The following GAS7 variants were observed in gnomAD, a reference collection of about 807,000 sequenced individuals.
GAS7 encodes growth arrest specific 7.
In GAS7, 28 loss-of-function variants were observed where a neutral mutation model predicts 71.1. The observed-to-expected ratio is 0.39, with a 90% confidence interval of 0.29 to 0.54. The LOEUF is 0.54. Ranked by LOEUF, GAS7 falls within the 20% of genes least tolerant of loss-of-function variation. GAS7 has a pLI of 0.62. For missense variants in GAS7, 436 were observed against 627.8 expected, an observed-to-expected ratio of 0.69 and a Z score of 3.27; for synonymous variants, 258 against 245.8, an observed-to-expected ratio of 1.05 and a Z score of -0.46.
intron 1 of GAS7, chr17:10,033,980 C>G (rs2072685106): frequency 3.9e-6 from 1 of 256,320 alleles, no homozygotes; most frequent in Non-Finnish European, 6.1e-6. Context: ...GAACCGTTTC[C>G]AAGACTCAGT....
At chr17:10,041,160 A>C (rs77908113) in intron 1 of GAS7, among the ~76,000 whole-genome samples, 2 of 129,494 alleles carry the variant, frequency 1.5e-5, no homozygotes, top group African/African-American at 7.0e-5. Flanking sequence ...AGACTGCCTA[A>C]AAAAAAAAAA....
At chr17:10,138,840 C>G (rs2074060352) in intron 1 of GAS7, among the ~76,000 whole-genome samples, 1 of 152,098 alleles carries the variant, frequency 6.6e-6, no homozygotes, top group Non-Finnish European at 1.5e-5. Context: ...GGTACTCTGT[C>G]CTATGCTCTT....
rs59205668 is a variant in GAS7 at position 9,982,824 on chromosome 17, G to GAAAGAAAGAAAGAAAGAAA, written c.305-941_305-940insTTTCTTTCTTTCTTTCTTT. ...AAAGAAAGGAAAGAAAGGAAAGAAA[G>GAAAGAAAGAAAGAAAGAAA]GAAAGAAAGAAAGAAAGAAAGAAAG... On this transcript the variant is annotated intron_variant, in intron 2 of 13. Transcript: ENST00000432992. Among the ~76,000 whole-genome samples, 347 of 116,212 alleles carry GAAAGAAAGAAAGAAAGAAA rather than the reference G, an allele frequency of 3.0e-3. 2 individuals are homozygous for GAAAGAAAGAAAGAAAGAAA. Among genetic ancestry groups the GAAAGAAAGAAAGAAAGAAA allele is most frequent in the African/African-American group, 4.3e-3 (108 of 25,160 alleles). The allele number at this position is 116,212 out of a possible 152,430, so 76.2% of individuals were successfully genotyped here.
In GAS7 at chr17:10,010,766, C is replaced by T. The variant is rs75517128; in HGVS notation, c.304+9011G>A. On this transcript the variant is annotated intron_variant, in intron 2 of 13. Coordinates refer to ENST00000432992, the MANE Select transcript of GAS7 (RefSeq NM_201433.2). ...TTTTGTAGTGAAGTGTTATACATCT[C>T]TTGTAATTTATTGAATACTGAACTA... 2.6e-5 allele frequency among the ~76,000 whole-genome samples: 4 copies of T among 152,266 alleles called. No individual in the cohort carries two copies. In the East Asian group the frequency reaches 7.7e-4, roughly 29 times the overall value.
intron 1 of GAS7, among the ~76,000 whole-genome samples, chr17:10,093,444 C>T (rs545369922): frequency 6.6e-5 from 10 of 151,082 alleles, no homozygotes; most frequent in African/African-American, 2.2e-4. Flanking sequence ...GTGGCACACG[C>T]CTGAGTCCCA....
chr17:10,031,848 T>C (rs966842831), intron 1 of GAS7, among the ~76,000 whole-genome samples: 1 of 152,186 alleles, frequency 6.6e-6, no homozygotes, highest in Non-Finnish European at 1.5e-5. Context: ...CTCTTCAGCA[T>C]GTTTTGGAAG....
intron 2 of GAS7, among the ~76,000 whole-genome samples, chr17:9,992,197 G>A (rs921808362): frequency 5.3e-5 from 8 of 152,146 alleles, no homozygotes; most frequent in African/African-American, 1.9e-4. Flanking sequence ...CCCAGGGAGT[G>A]GGTTAGACTT....
rs10574261 is a variant in GAS7, at chr17:10,162,170, CCT to C, written c.183+36036_183+36037del. Among the ~76,000 whole-genome samples the C allele has an allele frequency of 0.024, 3,587 of 152,152 alleles. 322 individuals carry two copies. In the East Asian group the frequency reaches 0.32, roughly 14 times the overall value. On this transcript the variant is annotated intron_variant, in intron 1 of 13. Transcript: ENST00000432992. ...AATATCGCCCAGGCACATGCTGGTC[CCT>C]CTGAGATAAACTGAAAGCAGTGACT... is the stretch of plus-strand genomic sequence containing the variant.
chr17:10,145,405 T>C (rs555494115), intron 1 of GAS7, among the ~76,000 whole-genome samples: 19 of 152,204 alleles, frequency 1.2e-4, no homozygotes, highest in African/African-American at 3.9e-4. Context: ...TCAGGCAGTG[T>C]GTAAGACCCG....
chr17:10,144,738 G>T (rs553883534), intron 1 of GAS7, among the ~76,000 whole-genome samples: 2 of 152,024 alleles, frequency 1.3e-5, no homozygotes, highest in South Asian at 4.2e-4. Flanking sequence ...TCTAGAGATA[G>T]GATCTTGCTA....
chr17:9,999,323 GC>G (rs2071169876), intron 2 of GAS7, among the ~76,000 whole-genome samples: 1 of 152,110 alleles, frequency 6.6e-6, no homozygotes, highest in African/African-American at 2.4e-5. Context: ...TTCGACACCA[GC>G]CTGGCCAACA....
intron 1 of GAS7, among the ~76,000 whole-genome samples, chr17:10,104,187 C>A (rs1438365859): frequency 1.3e-5 from 2 of 152,178 alleles, no homozygotes; most frequent in Non-Finnish European, 2.9e-5. Context: ...TGAGCCTACT[C>A]TCCACAATGT....
intron 1 of GAS7, among the ~76,000 whole-genome samples, chr17:10,113,522 T>C (rs2073833448): frequency 6.6e-6 from 1 of 152,312 alleles, no homozygotes; most frequent in Non-Finnish European, 1.5e-5. Flanking sequence ...AGATATGTTA[T>C]ATGATTTAAC....
Position 9,980,269 on chromosome 17 carries a change from T to C in GAS7, c.385+1535A>G, listed in dbSNP as rs2070363682. On this transcript the variant is annotated intron_variant, in intron 3 of 13. Transcript: ENST00000432992. ...TATGCTTTGAATGTGCACTTTCATG[T>C]CTTCAGGTCTCAATGCTAGACAATA... Among the ~76,000 whole-genome samples the C allele has an allele frequency of 2.0e-5, 3 of 152,292 alleles. No individual in the cohort carries two copies. In the South Asian group the frequency reaches 6.2e-4, roughly 32 times the overall value.
At chr17:10,150,448 AC>A (rs1407385324) in intron 1 of GAS7, among the ~76,000 whole-genome samples, 1 of 144,494 alleles carries the variant, frequency 6.9e-6, no homozygotes, top group Non-Finnish European at 1.5e-5. Context: ...ACACACACAC[AC>A]ACAAAGTGTA....
chr17:9,955,897 G>C (rs11078824), intron 5 of GAS7, among the ~76,000 whole-genome samples: 79,593 of 151,998 alleles, frequency 0.52, 21,838 homozygotes, highest in African/African-American at 0.7. Context: ...CACCCCCATC[G>C]CTCCCCAGCT....
intron 2 of GAS7, among the ~76,000 whole-genome samples, chr17:10,004,470 G>A (rs575612849): frequency 2.6e-5 from 4 of 152,068 alleles, no homozygotes; most frequent in South Asian, 2.1e-4. Flanking sequence ...ACTTCCCGCC[G>A]CACCACAGGT....
In GAS7 at chr17:9,912,093, G is replaced by A. The variant is rs996847564; in HGVS notation, c.*5135C>T. The A allele has an allele frequency of 1.7e-5, 4 of 232,060 alleles. No homozygotes were observed. The highest frequency in any genetic ancestry group is 6.6e-5 in the African/African-American group (3 of 45,262). 14.4% of individuals were successfully genotyped at this position (232,060 alleles called of 1,614,324 possible). A position where few individuals can be genotyped will look rare whatever the true frequency, so the allele number is the denominator to read the frequency against. ...ACTCCAGAACATACTATCAAAGATC[G>A]ACGAATGAGATCCAAACGGTCATTA... On this transcript the variant is annotated 3_prime_UTR_variant, in exon 14 of 14. Coordinates refer to ENST00000432992, the MANE Select transcript of GAS7 (RefSeq NM_201433.2).
intron 1 of GAS7, among the ~76,000 whole-genome samples, chr17:10,141,395 G>T (rs575773792): frequency 6.6e-6 from 1 of 152,028 alleles, no homozygotes; most frequent in South Asian, 2.1e-4. Context: ...TTGCAGTGAG[G>T]CAAGATCGCA....
Sources: gnomAD v4.1 joint callset for allele counts (sites outside exome capture counted in the v4.1 genomes callset) on GRCh38, gnomAD v4.1.1 for gene constraint, MANE v1.5 for transcripts, NCBI Gene and HGNC (gene_info 2026-07-23, HGNC 2026-07-21) for gene names.